SLC24A3: variants seen among roughly 807,000 people sequenced by gnomAD.
The protein encoded by SLC24A3 is solute carrier family 24 member 3, also known as sodium/potassium/calcium exchanger 3.
In SLC24A3, 28 loss-of-function variants were observed where a neutral mutation model predicts 75.8. The ratio of observed to expected loss-of-function variants is 0.37; its 90% CI spans 0.27 to 0.51. The LOEUF is 0.51. Among genes scored for constraint, SLC24A3 ranks in the 20% least tolerant of loss-of-function variants. The pLI, the probability that SLC24A3 is intolerant of heterozygous loss-of-function variation, is 0.94. For missense variants in SLC24A3, 663 were observed against 847.8 expected (o/e 0.78, Z 2.71); for synonymous variants, 372 against 334.1 (o/e 1.11, Z -1.24).
intron 8 of SLC24A3, among the ~76,000 whole-genome samples, chr20:19,671,460 A>C (rs1294914515): frequency 6.6e-6 from 1 of 152,170 alleles, no homozygotes; most frequent in Non-Finnish European, 1.5e-5. Context: ...GTGAAAAATG[A>C]CCTAGGGAGG....
chr20:19,276,940 C>T (rs1338408442), intron 1 of SLC24A3, among the ~76,000 whole-genome samples: 3 of 152,008 alleles, frequency 2.0e-5, no homozygotes, highest in East Asian at 1.9e-4. Flanking sequence ...TGCCCTCCGA[C>T]GCTGACAGAA....
At chr20:19,541,080 GTTC>G (rs2030487545) in intron 3 of SLC24A3, among the ~76,000 whole-genome samples, 1 of 152,194 alleles carries the variant, frequency 6.6e-6, no homozygotes, top group African/African-American at 2.4e-5. Flanking sequence ...CAGCTCATGT[GTTC>G]TTCTGATTTA....
intron 3 of SLC24A3, among the ~76,000 whole-genome samples, chr20:19,533,288 A>T (rs2030335411): frequency 6.6e-6 from 1 of 152,134 alleles, no homozygotes; most frequent in Non-Finnish European, 1.5e-5. Context: ...TCTCTAACAG[A>T]GGAGGCTGAA....
intron 3 of SLC24A3, among the ~76,000 whole-genome samples, chr20:19,556,659 G>A (rs370867144): frequency 1.3e-5 from 2 of 151,218 alleles, no homozygotes; most frequent in African/African-American, 4.9e-5. Context: ...CAAACGGCTT[G>A]TCACAACTGG....
intron 2 of SLC24A3, among the ~76,000 whole-genome samples, chr20:19,352,822 T>G (rs972221696): frequency 6.6e-6 from 1 of 152,194 alleles, no homozygotes; most frequent in Non-Finnish European, 1.5e-5. Flanking sequence ...GCTATTTGCT[T>G]TTATTGTCAT....
At chr20:19,374,134 C>T (rs1986038918) in intron 2 of SLC24A3, among the ~76,000 whole-genome samples, 1 of 152,112 alleles carries the variant, frequency 6.6e-6, no homozygotes, top group Non-Finnish European at 1.5e-5. Flanking sequence ...ATGGTTTATC[C>T]TGTGGTCTAA....
chr20:19,485,492 A>G (rs769170173), intron 2 of SLC24A3, among the ~76,000 whole-genome samples: 2 of 152,210 alleles, frequency 1.3e-5, no homozygotes, highest in Non-Finnish European at 1.5e-5. Context: ...TAGGGCCTCG[A>G]GAGACTGAGT....
intron 1 of SLC24A3, among the ~76,000 whole-genome samples, chr20:19,232,100 T>C (rs1158285982): frequency 6.6e-6 from 1 of 152,150 alleles, no homozygotes; most frequent in Admixed American, 6.5e-5. Context: ...TGTGGTGGAA[T>C]ACTGTAGATT....
chr20:19,580,098 T>C (rs772195977), intron 4 of SLC24A3, 24 bp downstream of exon 4: 2 of 1,602,454 alleles, frequency 1.2e-6, no homozygotes, highest in African/African-American at 1.3e-5. Flanking sequence ...ATTCTTGGTA[T>C]GTGTGAGCCA....
chr20:19,271,964 G>A (rs1004193885), intron 1 of SLC24A3, among the ~76,000 whole-genome samples: 9 of 152,268 alleles, frequency 5.9e-5, no homozygotes, highest in Non-Finnish European at 7.4e-5. Context: ...CCTATTCCCC[G>A]AAAACTATTG....
intron 15 of SLC24A3, among the ~76,000 whole-genome samples, chr20:19,715,800 A>G (rs769145680): frequency 3.3e-5 from 5 of 152,222 alleles, no homozygotes; most frequent in African/African-American, 4.8e-5. Flanking sequence ...TTAGTTGTCT[A>G]ACAGAAACAA....
At chr20:19,538,998 C>CA (rs1191632463) in intron 3 of SLC24A3, among the ~76,000 whole-genome samples, 2 of 152,010 alleles carry the variant, frequency 1.3e-5, no homozygotes, top group Non-Finnish European at 2.9e-5. Flanking sequence ...GAACCAGACA[C>CA]AAAAAAAGTA....
chr20:19,658,476 C>T (rs2032290144), intron 7 of SLC24A3, among the ~76,000 whole-genome samples: 1 of 152,214 alleles, frequency 6.6e-6, no homozygotes. Context: ...TTCACCTAAA[C>T]TTTCCTCTGT....
In SLC24A3 at chr20:19,681,892, A is replaced by G; in HGVS notation, c.802A>G (p.Arg268Gly). The change falls in exon 10 of 17, where the codon AGG (arginine) becomes GGG (glycine). Residue 268 changes from arginine (R) to glycine (G), a missense_variant. This residue lies in a region of SLC24A3 where 510 missense variants were observed against 703.6 expected (regional missense o/e 0.72). Transcript: ENST00000328041. ...TTGCATACATCAGTGCTTTGAGAGG[A>G]GGACAAAAGGTGCCGGGAACATGGT... Reference protein sequence around the residue: ...NACIHQCFERRTKGAGNMVNG... With the variant: ...NACIHQCFERGTKGAGNMVNG... The G allele has an allele frequency of 6.2e-7, 1 of 1,614,152 alleles. No individual in the cohort carries two copies. Among genetic ancestry groups the G allele is most frequent in the Non-Finnish European group, 8.5e-7 (1 of 1,180,024 alleles).
chr20:19,456,375 T>G (rs1285508655), intron 2 of SLC24A3, among the ~76,000 whole-genome samples: 2 of 152,168 alleles, frequency 1.3e-5, no homozygotes, highest in Non-Finnish European at 2.9e-5. Flanking sequence ...GTTCTCGTGG[T>G]AGTGAATAAG....
At chr20:19,260,731 C>T (rs894361947) in intron 1 of SLC24A3, among the ~76,000 whole-genome samples, 1 of 152,220 alleles carries the variant, frequency 6.6e-6, no homozygotes, top group East Asian at 1.9e-4. Context: ...CTGCTGTCCT[C>T]CTCTGCCACC....
At chr20:19,458,748 A>G (rs1987620791) in intron 2 of SLC24A3, among the ~76,000 whole-genome samples, 2 of 152,050 alleles carry the variant, frequency 1.3e-5, no homozygotes, top group African/African-American at 2.4e-5. Flanking sequence ...TTTATCCCAG[A>G]CTGTATTTTT....
At chr20:19,435,937 T>C (rs1380386042) in intron 2 of SLC24A3, among the ~76,000 whole-genome samples, 1 of 152,184 alleles carries the variant, frequency 6.6e-6, no homozygotes, top group African/African-American at 2.4e-5. Flanking sequence ...GTCTGCAGCT[T>C]AATCACCTGA....
intron 2 of SLC24A3, among the ~76,000 whole-genome samples, chr20:19,450,498 G>A (rs560433245): frequency 4.6e-5 from 7 of 152,258 alleles, no homozygotes; most frequent in South Asian, 4.2e-4. Flanking sequence ...GCAACGTCAC[G>A]TGTCATGTTC....
Sources: allele counts gnomAD v4.1 joint callset (sites outside exome capture counted in the v4.1 genomes callset), GRCh38; gene constraint gnomAD v4.1.1; regional missense constraint gnomAD v4.1.1; transcripts MANE v1.5; gene names NCBI Gene and HGNC (gene_info 2026-07-23, HGNC 2026-07-21).